OR52N4: variants seen among roughly 807,000 people sequenced by gnomAD.
OR52N4 encodes the protein olfactory receptor 52N4.
In OR52N4, 15 loss-of-function variants were observed where a neutral mutation model predicts 15.0. The observed-to-expected ratio is 1.00, with a 90% CI of 0.67 to 1.54. The LOEUF (loss-of-function observed/expected upper bound fraction) is 1.54. Ranked by LOEUF, OR52N4 falls within the 40% of genes most tolerant of loss-of-function variation. The pLI, the probability that OR52N4 is intolerant of heterozygous loss-of-function variation, is 0.00. For synonymous variants in OR52N4, 143 were observed against 143.7 expected, an observed-to-expected ratio of 1.00 and a Z score of 0.03; for missense variants, 421 against 394.0, an observed-to-expected ratio of 1.07 and a Z score of -0.58.
At chr11:5,731,274 A>G in the OR52N4 span, among the ~76,000 whole-genome samples, 1 of 152,216 alleles carries the variant, frequency 6.6e-6, no homozygotes, top group African/African-American at 2.4e-5. Flanking sequence ...TGAGGGTCGG[A>G]TAAGTTCCTA....
chr11:5,741,232 T>C, the OR52N4 span, among the ~76,000 whole-genome samples: 2 of 152,174 alleles, frequency 1.3e-5, no homozygotes, highest in Admixed American at 6.5e-5. Flanking sequence ...ATCCAGGGGA[T>C]TGAAAATTAA....
the OR52N4 span, among the ~76,000 whole-genome samples, chr11:5,731,696 G>T: frequency 3.2e-4 from 48 of 152,118 alleles, no homozygotes; most frequent in Middle Eastern, 6.8e-3. Context: ...TTTGAGGTAG[G>T]TCCCTGCCAT....
Position 5,755,217 on chromosome 11 carries a change from T to A in OR52N4, c.477T>A (p.Ile159=). The A allele has an allele frequency of 6.2e-7, 1 of 1,613,964 alleles. No individual in the cohort carries two copies. Among genetic ancestry groups the A allele is most frequent in the Non-Finnish European group, 8.5e-7 (1 of 1,179,940 alleles). ...TCCTGAGAGGGGTATTACTCATTATTCCCTTTACTTTCCTCACCAAGCTCC... is the reference window on the plus strand; with the variant it reads ...TCCTGAGAGGGGTATTACTCATTATACCCTTTACTTTCCTCACCAAGCTCC... ...ATFLRGVLLI[I]PFTFLTKLLP... The change falls in exon 2 of 2, where the codon ATT becomes ATA. Residue 159 remains isoleucine (I), a synonymous_variant. Transcript: ENST00000641350.
At chr11:5,736,869 G>A in the OR52N4 span, 2 of 1,613,938 alleles carry the variant, frequency 1.2e-6, no homozygotes, top group Non-Finnish European at 1.7e-6. Flanking sequence ...TTCTTTGTGG[G>A]CATGGAGTCT....
intron 1 of OR52N4, 46 bp from the exon 2 acceptor site, chr11:5,754,647 A>G: frequency 1.5e-6 from 2 of 1,334,312 alleles, no homozygotes; most frequent in Non-Finnish European, 2.0e-6. Context: ...AGAGGGAGAC[A>G]GTAAAAATAA....
the OR52N4 span, chr11:5,734,313 T>C: frequency 2.4e-6 from 1 of 410,446 alleles, no homozygotes; most frequent in South Asian, 1.8e-5. Flanking sequence ...CATTATGTTG[T>C]TTTGTCAACA....
the OR52N4 span, among the ~76,000 whole-genome samples, chr11:5,744,673 G>A: frequency 2.1e-5 from 3 of 145,134 alleles, no homozygotes; most frequent in Non-Finnish European, 4.5e-5. Flanking sequence ...AGCACTCTGG[G>A]AGGCTGAGGC....
At chr11:5,743,104 A>C in the OR52N4 span, among the ~76,000 whole-genome samples, 2 of 152,192 alleles carry the variant, frequency 1.3e-5, no homozygotes. Context: ...ATACTTATAT[A>C]AGCCAGACTT....
the OR52N4 span, among the ~76,000 whole-genome samples, chr11:5,730,671 G>A: frequency 1.3e-5 from 2 of 150,078 alleles, no homozygotes; most frequent in East Asian, 3.9e-4. Context: ...TTAAATGTTG[G>A]TGTTTCTCAG....
the OR52N4 span, among the ~76,000 whole-genome samples, chr11:5,747,519 T>C: frequency 6.6e-6 from 1 of 151,764 alleles, no homozygotes; most frequent in African/African-American, 2.4e-5. Flanking sequence ...TGTATGTGTA[T>C]ATATATGTAT....
At chr11:5,737,588 C>T in the OR52N4 span, 1 of 1,124,292 alleles carries the variant, frequency 8.9e-7, no homozygotes, top group South Asian at 2.1e-5. Context: ...CTTTGGGATT[C>T]CCTTTTTATA....
chr11:5,754,683 T>TTTAACTC lies in OR52N4; in HGVS notation c.-48-9_-48-8insTAACTCT. 6.7e-7 allele frequency: 1 copy of TTTAACTC among 1,494,854 alleles called. No individual in the cohort carries two copies. The highest frequency in any genetic ancestry group is 8.9e-7 in the Non-Finnish European group (1 of 1,118,358). 92.6% of individuals were successfully genotyped at this position (1,494,854 alleles called of 1,614,324 possible). A position where few individuals can be genotyped will look rare whatever the true frequency, so the allele number is the denominator to read the frequency against. On this transcript the variant is annotated splice_polypyrimidine_tract_variant and intron_variant, in intron 1 of 1. Coordinates refer to ENST00000641350, the MANE Select transcript of OR52N4 (RefSeq NM_001005175.5). ...CCTATATTTTCTCTTGTTTTTTTTT[T>TTTAACTC]TAACTCTAGGAAAGCCCAGACAAAT... is the stretch of plus-strand genomic sequence containing the variant.
chr11:5,730,647 A>G, the OR52N4 span, among the ~76,000 whole-genome samples: 1 of 150,806 alleles, frequency 6.6e-6, no homozygotes, highest in Non-Finnish European at 1.5e-5. Context: ...TTTTATTTTT[A>G]ATGAACCTGA....
At chr11:5,736,699 C>CCCTT in the OR52N4 span, 1 of 1,613,996 alleles carries the variant, frequency 6.2e-7, no homozygotes, top group Non-Finnish European at 8.5e-7. Flanking sequence ...TCTGGCAGAA[C>CCCTT]CCTTCTTTAC....
the OR52N4 span, chr11:5,736,037 T>C: frequency 1.2e-5 from 2 of 160,588 alleles, no homozygotes; most frequent in Middle Eastern, 3.3e-3. Flanking sequence ...CTAAGGTATG[T>C]CTTCATTATA....
upstream of OR52N4, among the ~76,000 whole-genome samples, chr11:5,750,903 G>T (rs1222595102): frequency 6.6e-6 from 1 of 151,960 alleles, no homozygotes; most frequent in East Asian, 1.9e-4. Flanking sequence ...TTAAAAATGA[G>T]TTTATAAGCT....
At chr11:5,736,768 T>A in the OR52N4 span, 5 of 1,613,964 alleles carry the variant, frequency 3.1e-6, no homozygotes, top group Admixed American at 8.3e-5. Flanking sequence ...GTCTGGCCAC[T>A]ACTATCATCC....
At chr11:5,747,141 C>T in the OR52N4 span, among the ~76,000 whole-genome samples, 1 of 144,418 alleles carries the variant, frequency 6.9e-6, no homozygotes. Flanking sequence ...GTAGTCCCAG[C>T]TATTGGGGAA....
the OR52N4 span, chr11:5,737,009 G>C: frequency 1.9e-6 from 3 of 1,613,978 alleles, no homozygotes; most frequent in African/African-American, 4.0e-5. Flanking sequence ...TGGCTTATTT[G>C]TCACTCCAGT....
Sources: gnomAD v4.1 joint callset for allele counts (sites outside exome capture counted in the v4.1 genomes callset) on GRCh38, gnomAD v4.1.1 for gene constraint, MANE v1.5 for transcripts, NCBI Gene and HGNC (gene_info 2026-07-23, HGNC 2026-07-21) for gene names.